TBX15: variants seen among roughly 807,000 people sequenced by gnomAD.
The protein encoded by TBX15 is T-box transcription factor 15.
In TBX15, 18 loss-of-function variants were observed where a neutral mutation model predicts 53.9. That is an observed-to-expected ratio of 0.33 (90% CI 0.23 to 0.49). The LOEUF (loss-of-function observed/expected upper bound fraction) is 0.49. Ranked by LOEUF, TBX15 falls within the 20% of genes least tolerant of loss-of-function variation. The pLI is 0.98. For missense variants in TBX15, 692 were observed against 749.5 expected, an observed-to-expected ratio of 0.92 and a Z score of 0.90; for synonymous variants, 295 against 278.0, an observed-to-expected ratio of 1.06 and a Z score of -0.61.
intron 5 of TBX15, among the ~76,000 whole-genome samples, chr1:118,918,738 C>CAATGA: frequency 6.6e-6 from 1 of 152,130 alleles, no homozygotes; most frequent in South Asian, 2.1e-4. Flanking sequence ...TTGTCACGGA[C>CAATGA]TTCTTGCCTA....
intron 1 of TBX15, among the ~76,000 whole-genome samples, chr1:118,959,665 G>A (rs962728198): frequency 1.3e-5 from 2 of 152,154 alleles, no homozygotes; most frequent in African/African-American, 4.8e-5. Flanking sequence ...TCCTACTCCA[G>A]CCCCCTAATT....
rs1250239027 is a variant in TBX15, at chr1:118,980,539, C to G, written c.205+7052G>C. Among the ~76,000 whole-genome samples the G allele has an allele frequency of 5.3e-5, 8 of 152,146 alleles. No individual in the cohort carries two copies. In the East Asian group the frequency reaches 1.5e-3, roughly 29 times the overall value. Reference sequence around the variant, plus strand: ...AAATGTAAGAAGACAAATAAGAGGACGTTTTTACATGCATTTCTTACGTTC... The same window carrying G: ...AAATGTAAGAAGACAAATAAGAGGAGGTTTTTACATGCATTTCTTACGTTC... On this transcript the variant is annotated intron_variant, in intron 1 of 7. Coordinates refer to ENST00000369429, the MANE Select transcript of TBX15 (RefSeq NM_001330677.2).
At chr1:118,907,239 G>T (rs1002983394) in intron 6 of TBX15, among the ~76,000 whole-genome samples, 1 of 152,142 alleles carries the variant, frequency 6.6e-6, no homozygotes. Flanking sequence ...TGCAATGGAG[G>T]CTAGGAGTAA....
chr1:118,987,506 GC>G (rs1480330462), intron 1 of TBX15, 84 bp downstream of exon 1: 1 of 1,445,130 alleles, frequency 6.9e-7, no homozygotes, highest in African/African-American at 1.4e-5. Flanking sequence ...CAATGGCAGG[GC>G]CTAGCTCCTC....
intron 3 of TBX15, 99 bp from the exon 4 acceptor site, chr1:118,924,916 A>G (rs1655544820): frequency 1.5e-6 from 2 of 1,301,938 alleles, no homozygotes; most frequent in Non-Finnish European, 2.2e-6. Flanking sequence ...GAGAAAAACA[A>G]AGAGATTACA....
intron 5 of TBX15, among the ~76,000 whole-genome samples, chr1:118,918,092 G>T (rs1655307788): frequency 6.6e-6 from 1 of 152,140 alleles, no homozygotes; most frequent in Non-Finnish European, 1.5e-5. Context: ...CTAAGCCTCA[G>T]TCAAAAATAT....
intron 7 of TBX15, among the ~76,000 whole-genome samples, 158 bp from the exon 8 acceptor site, chr1:118,885,674 C>T (rs1050796985): frequency 6.6e-6 from 1 of 151,928 alleles, no homozygotes; most frequent in Non-Finnish European, 1.5e-5. Context: ...CTATGCTAAG[C>T]GATTCCACCT....
rs773754075 is a variant in TBX15 at position 118,885,433 on chromosome 1, A to C, written c.1108T>G (p.Cys370Gly). Residue 370 changes from cysteine (C) to glycine (G), a missense_variant, in exon 8 of 8, where the codon TGT (cysteine) becomes GGT (glycine). Coordinates refer to ENST00000369429, the MANE Select transcript of TBX15 (RefSeq NM_001330677.2). ...SASSHLLSPS[C>G]SPPTFHLAPN... ...GCCAGATGAAAAGTTGGAGGAGAAC[A>C]GGATGGAGATAAAAGATGAGAAGAA... The C allele has an allele frequency of 5.6e-6, 9 of 1,612,834 alleles. No individual in the cohort carries two copies. In the African/African-American group the frequency reaches 8.0e-5, roughly 14 times the overall value.
chr1:118,975,086 A>C (rs1253794617), intron 1 of TBX15, among the ~76,000 whole-genome samples: 2 of 152,244 alleles, frequency 1.3e-5, no homozygotes, highest in African/African-American at 4.8e-5. Flanking sequence ...AGAACAGTTA[A>C]AGTTTTCCCC....
At chr1:118,958,948 T>C (rs1656778564) in intron 1 of TBX15, among the ~76,000 whole-genome samples, 1 of 151,786 alleles carries the variant, frequency 6.6e-6, no homozygotes, top group Non-Finnish European at 1.5e-5. Context: ...TGTTCCAGTA[T>C]TATAAATACT....
intron 5 of TBX15, among the ~76,000 whole-genome samples, chr1:118,921,619 A>T (rs924874714): frequency 4.6e-5 from 7 of 152,218 alleles, no homozygotes; most frequent in Non-Finnish European, 8.8e-5. Flanking sequence ...ACTAAAACCC[A>T]GGTCTCCAAA....
At chr1:118,929,122 A>T (rs1307734116) in intron 2 of TBX15, among the ~76,000 whole-genome samples, 4 of 152,182 alleles carry the variant, frequency 2.6e-5, no homozygotes, top group African/African-American at 9.7e-5. Context: ...TTGTCTTCTA[A>T]ACCCATTAAT....
chr1:118,983,997 G>C (rs1201511169), intron 1 of TBX15, among the ~76,000 whole-genome samples: 1 of 152,248 alleles, frequency 6.6e-6, no homozygotes, highest in African/African-American at 2.4e-5. Flanking sequence ...GGTGATGTCA[G>C]AATTAAAATC....
intron 5 of TBX15, among the ~76,000 whole-genome samples, chr1:118,917,376 C>T (rs1655274084): frequency 6.6e-6 from 1 of 152,134 alleles, no homozygotes; most frequent in Admixed American, 6.5e-5. Context: ...GATGAGAACA[C>T]ATAGACACAG....
chr1:118,914,283 TTTTA>T (rs1655116310), intron 5 of TBX15, 104 bp from the exon 6 acceptor site: 1 of 1,053,846 alleles, frequency 9.5e-7, no homozygotes, highest in Admixed American at 2.0e-5. Flanking sequence ...CAGTTGTTGC[TTTTA>T]TTTAATTTCC....
At chr1:118,969,015 A>G (rs1047440762) in intron 1 of TBX15, among the ~76,000 whole-genome samples, 1 of 152,222 alleles carries the variant, frequency 6.6e-6, no homozygotes, top group Non-Finnish European at 1.5e-5. Flanking sequence ...ATCACCTAGC[A>G]TGGATTGTTA....
At chr1:118,905,126 C>T (rs1654769904) in intron 6 of TBX15, among the ~76,000 whole-genome samples, 1 of 152,194 alleles carries the variant, frequency 6.6e-6, no homozygotes, top group South Asian at 2.1e-4. Context: ...AGAATATACT[C>T]TTACTTCACT....
At chr1:118,953,308 A>G (rs909104117) in intron 1 of TBX15, among the ~76,000 whole-genome samples, 8 of 152,194 alleles carry the variant, frequency 5.3e-5, no homozygotes, top group African/African-American at 1.7e-4. Flanking sequence ...AAAATACAAG[A>G]CATAGAATAA....
chr1:118,932,393 T>C (rs1228211368), intron 1 of TBX15, among the ~76,000 whole-genome samples: 2 of 152,222 alleles, frequency 1.3e-5, no homozygotes, highest in Non-Finnish European at 2.9e-5. Flanking sequence ...TTGGGATCTT[T>C]AGAAGTACTT....
Sources: gnomAD v4.1 joint callset for allele counts (sites outside exome capture counted in the v4.1 genomes callset) on GRCh38, gnomAD v4.1.1 for gene constraint, MANE v1.5 for transcripts, NCBI Gene and HGNC (gene_info 2026-07-23, HGNC 2026-07-21) for gene names.